SLC7A14: variants seen among roughly 807,000 people sequenced by gnomAD.
SLC7A14 encodes solute carrier family 7 member 14, also known as gamma-aminobutyric acid transporter SLC7A14.
In SLC7A14, 37 loss-of-function variants were observed where a neutral mutation model predicts 60.2. The observed-to-expected ratio is 0.61, with a 90% CI of 0.47 to 0.81. The LOEUF is 0.81. Ranked by LOEUF, SLC7A14 falls within the 30% of genes least tolerant of loss-of-function variation. The pLI is 0.00. For missense variants in SLC7A14, 886 were observed against 982.7 expected (o/e 0.90, Z 1.32); for synonymous variants, 399 against 395.8 (o/e 1.01, Z -0.10).
rs1160921345 is a variant in SLC7A14 at position 170,501,317 on chromosome 3, T to C, written c.333A>G (p.Arg111=). 1 of 1,614,186 alleles carries C rather than the reference T, an allele frequency of 6.2e-7. No individual in the cohort carries two copies. Among genetic ancestry groups the C allele is most frequent in the Admixed American group, 1.7e-5 (1 of 60,014 alleles). The change falls in exon 3 of 8, where the codon CGA becomes CGG. Residue 111 remains arginine (R), a synonymous_variant. Coordinates refer to ENST00000231706, the MANE Select transcript of SLC7A14 (RefSeq NM_020949.3). ...AGGCAGATCCTGTGGTCTTGGGGAC[T>C]CGAACTCCAAACTCTGCATAGCAGA... ...SGVCYAEFGV[R]VPKTTGSAYT... is the part of the protein sequence containing the mutation.
chr3:170,530,612 A>G (rs1048812844), intron 1 of SLC7A14, among the ~76,000 whole-genome samples: 1 of 152,242 alleles, frequency 6.6e-6, no homozygotes, highest in African/African-American at 2.4e-5. Context: ...CAGGTGAGCA[A>G]TATGAGATGA....
Position 170,459,591 on chromosome 3 carries a change from T to A in SLC7A14, c.*7464A>T, listed in dbSNP as rs907915222. ...TTATTAGTCGATTAGCTGTACTTTT[T>A]AAAATGTTTTATTCTGAAAATGAAT... On this transcript the variant is annotated 3_prime_UTR_variant, in exon 8 of 8. Transcript: ENST00000231706. The A allele has an allele frequency of 1.3e-5, 2 of 152,262 alleles. No homozygotes were observed. Among genetic ancestry groups the A allele is most frequent in the African/African-American group, 4.8e-5 (2 of 41,474 alleles). The allele number at this position is 152,262 out of a possible 1,614,324, so 9.4% of individuals were successfully genotyped here.
intron 7 of SLC7A14, among the ~76,000 whole-genome samples, chr3:170,478,252 A>C (rs1304547042): frequency 6.6e-6 from 1 of 151,954 alleles, no homozygotes; most frequent in East Asian, 1.9e-4. Context: ...TAATTTTTGC[A>C]TTTTTTATAG....
intron 1 of SLC7A14, among the ~76,000 whole-genome samples, chr3:170,557,714 A>G (rs1714526034): frequency 1.3e-5 from 2 of 152,178 alleles, no homozygotes; most frequent in Admixed American, 1.3e-4. Flanking sequence ...AATGGGGATA[A>G]TAATAGTATC....
At chr3:170,582,018 T>G (rs1406480573) in intron 1 of SLC7A14, among the ~76,000 whole-genome samples, 2 of 152,184 alleles carry the variant, frequency 1.3e-5, no homozygotes, top group Non-Finnish European at 1.5e-5. Flanking sequence ...TCAAAATTCA[T>G]GAAACCAGCA....
intron 1 of SLC7A14, among the ~76,000 whole-genome samples, chr3:170,577,384 C>T (rs1035811365): frequency 6.6e-6 from 1 of 151,222 alleles, no homozygotes; most frequent in Non-Finnish European, 1.5e-5. Flanking sequence ...TTTGGGAGGC[C>T]GAGGCGGGTG....
intron 7 of SLC7A14, among the ~76,000 whole-genome samples, chr3:170,471,119 G>GTGTGTGTGTGTGTGTGTA (rs1197475580): frequency 1.3e-5 from 2 of 151,970 alleles, no homozygotes; most frequent in African/African-American, 4.8e-5. Context: ...GTGTGTGTGT[G>GTGTGTGTGTGTGTGTGTA]TGAGTGATTA....
Position 170,535,894 on chromosome 3 carries a change from C to A in SLC7A14, c.-152-8806G>T, listed in dbSNP as rs548599128. 2.0e-5 allele frequency among the ~76,000 whole-genome samples: 3 copies of A among 152,270 alleles called. No individual in the cohort carries two copies. Among genetic ancestry groups the A allele is most frequent in the East Asian group, 3.9e-4 (2 of 5,184 alleles). ...CTCATCTTTATATATATTAACAGTT[C>A]TTTTCACTAACTTTCCTCAAAATAC... is the stretch of plus-strand genomic sequence containing the variant. On this transcript the variant is annotated intron_variant, in intron 1 of 7. Transcript: ENST00000231706. This position sits in a 1 kb window ranked among gnomAD's most constrained non-coding sequence, Gnocchi z 4.3.
chr3:170,569,317 T>C lies in SLC7A14; in HGVS notation c.-153+16594A>G, dbSNP rs1714878424. ...TGTTTATATGCTGGATTACATTTATTGATTTGCGTATGTTGAACCAGCCTT... is the reference window on the plus strand; with the variant it reads ...TGTTTATATGCTGGATTACATTTATCGATTTGCGTATGTTGAACCAGCCTT... On this transcript the variant is annotated intron_variant, in intron 1 of 7. Coordinates refer to ENST00000231706, the MANE Select transcript of SLC7A14 (RefSeq NM_020949.3). 3.9e-5 allele frequency among the ~76,000 whole-genome samples: 6 copies of C among 152,322 alleles called. No individual in the cohort carries two copies. In the South Asian group the frequency reaches 1.2e-3, roughly 32 times the overall value.
intron 1 of SLC7A14, among the ~76,000 whole-genome samples, chr3:170,553,170 C>T (rs1714395549): frequency 6.6e-6 from 1 of 152,104 alleles, no homozygotes; most frequent in Non-Finnish European, 1.5e-5. Context: ...CTGTAAGTGC[C>T]CTGTCTTGTT....
intron 1 of SLC7A14, among the ~76,000 whole-genome samples, chr3:170,545,411 A>C (rs1216859670): frequency 6.6e-6 from 1 of 152,128 alleles, no homozygotes; most frequent in African/African-American, 2.4e-5. Flanking sequence ...TCTATTATTA[A>C]TGTAGTAACA....
rs145427762 is a variant in SLC7A14 at position 170,467,021 on chromosome 3, G to T, written c.*34C>A. The T allele has an allele frequency of 2.0e-6, 3 of 1,527,808 alleles. No individual in the cohort carries two copies. The African/African-American group carries it at 4.1e-5, about 21-fold the overall frequency. 94.6% of individuals were successfully genotyped at this position (1,527,808 alleles called of 1,614,324 possible). A position where few individuals can be genotyped will look rare whatever the true frequency, so the allele number is the denominator to read the frequency against. Reference sequence around the variant, plus strand: ...CCACAGGTTAAGTTACTGAAAATCAGTCATCACCATTTCTACCCACTTGTG... The same window carrying T: ...CCACAGGTTAAGTTACTGAAAATCATTCATCACCATTTCTACCCACTTGTG... On this transcript the variant is annotated 3_prime_UTR_variant, in exon 8 of 8. Coordinates refer to ENST00000231706, the MANE Select transcript of SLC7A14 (RefSeq NM_020949.3).
chr3:170,484,158 A>G (rs191646664), intron 5 of SLC7A14, among the ~76,000 whole-genome samples: 46 of 152,358 alleles, frequency 3.0e-4, no homozygotes, highest in African/African-American at 7.7e-4. Context: ...ATCAAGTCCT[A>G]CTGATTATAT....
chr3:170,468,206 C>T (rs13059525), intron 7 of SLC7A14, among the ~76,000 whole-genome samples: 55,101 of 152,038 alleles, frequency 0.36, 11,488 homozygotes, highest in Non-Finnish European at 0.47. Flanking sequence ...TTGCCCCCCT[C>T]GTTAATATGT....
chr3:170,531,974 G>A (rs1424779232), intron 1 of SLC7A14, among the ~76,000 whole-genome samples: 4 of 152,122 alleles, frequency 2.6e-5, no homozygotes, highest in Non-Finnish European at 4.4e-5. Flanking sequence ...TAGGATTATC[G>A]AATTAGGCTA....
At position 170,466,823 on chromosome 3, in the gene SLC7A14, GTTTA is replaced by G; in HGVS notation, c.*228_*231del. Reference sequence around the variant, plus strand: ...AAGATGGAATTTCATATAGCCTCTTGTTTATTTATTTATTTTATTTAACAAGGCG... The same window carrying G: ...AAGATGGAATTTCATATAGCCTCTTGTTTATTTATTTTATTTAACAAGGCG... On this transcript the variant is annotated 3_prime_UTR_variant, in exon 8 of 8. Coordinates refer to ENST00000231706, the MANE Select transcript of SLC7A14 (RefSeq NM_020949.3). The G allele has an allele frequency of 2.1e-6, 1 of 478,756 alleles. No homozygotes were observed. The allele number at this position is 478,756 out of a possible 1,614,324, so 29.7% of individuals were successfully genotyped here.
chr3:170,543,731 TTTTCTTTC>T (rs761250853), intron 1 of SLC7A14, among the ~76,000 whole-genome samples: 5 of 150,014 alleles, frequency 3.3e-5, no homozygotes, highest in Non-Finnish European at 5.9e-5. Context: ...CTAAACTGCA[TTTTCTTTC>T]TTTCTTTCTT....
In SLC7A14 at chr3:170,501,158, G is replaced by T; in HGVS notation, c.492C>A (p.His164Gln). ...TGTCCGCCATCCAGCGGCTGATGGT[G>T]TGGTTGGCTAGTGAGTCAAACATGC... ...LSSMFDSLAN[H>Q]TISRWMADSV... Residue 164 changes from histidine to glutamine, a missense_variant, in exon 3 of 8, where the codon CAC becomes CAA. Transcript: ENST00000231706. 1 of 1,614,204 alleles carries T rather than the reference G, an allele frequency of 6.2e-7. No homozygotes were observed. Among genetic ancestry groups the T allele is most frequent in the Non-Finnish European group, 8.5e-7 (1 of 1,180,038 alleles).
chr3:170,502,174 G>A (rs1257708217), intron 2 of SLC7A14, among the ~76,000 whole-genome samples: 1 of 152,194 alleles, frequency 6.6e-6, no homozygotes. Context: ...GTATTTGGGT[G>A]GAGGGGAGTG....
Sources: allele counts gnomAD v4.1 joint callset (sites outside exome capture counted in the v4.1 genomes callset), GRCh38; gene constraint gnomAD v4.1.1; non-coding constraint Gnocchi (gnomAD v3.1); transcripts MANE v1.5; gene names NCBI Gene and HGNC (gene_info 2026-07-23, HGNC 2026-07-21).